SRBD1: variants seen among roughly 807,000 people sequenced by gnomAD.
The protein encoded by SRBD1 is S1 RNA-binding domain-containing protein 1.
A neutral mutation model predicts 115.3 loss-of-function variants in SRBD1; 88 were observed. The observed-to-expected ratio is 0.76, with a 90% CI of 0.64 to 0.91. SRBD1 has a LOEUF of 0.91. Among genes scored for constraint, SRBD1 ranks in the 40% least tolerant of loss-of-function variants. SRBD1 has a pLI of 0.00. For synonymous variants in SRBD1, 509 were observed against 407.7 expected, an observed-to-expected ratio of 1.25 and a Z score of -2.99; for missense variants, 1,385 against 1,177.4, an observed-to-expected ratio of 1.18 and a Z score of -2.58.
At chr2:45,546,930 T>A in intron 13 of SRBD1, 91 bp from the exon 14 acceptor site, 1 of 1,200,052 alleles carries the variant, frequency 8.3e-7, no homozygotes, top group South Asian at 1.2e-5. Context: ...AATACTATTA[T>A]ATGATTCTCT....
intron 4 of SRBD1, among the ~76,000 whole-genome samples, chr2:45,587,701 G>C (rs1227216825): frequency 6.6e-6 from 1 of 151,986 alleles, no homozygotes; most frequent in Non-Finnish European, 1.5e-5. Flanking sequence ...TAAATCCTGA[G>C]GTCTACATCT....
At chr2:45,545,645 C>T (rs1394575548) in intron 14 of SRBD1, among the ~76,000 whole-genome samples, 5 of 152,126 alleles carry the variant, frequency 3.3e-5, no homozygotes, top group Non-Finnish European at 5.9e-5. Flanking sequence ...GAAGATCCAC[C>T]GTATTTCCCA....
At chr2:45,560,418 G>A (rs1196046010) in intron 10 of SRBD1, among the ~76,000 whole-genome samples, 1 of 152,096 alleles carries the variant, frequency 6.6e-6, no homozygotes, top group African/African-American at 2.4e-5. Context: ...TTTCTAAAAA[G>A]AATTAGCACA....
At chr2:45,593,131 A>T (rs1673776762) in intron 4 of SRBD1, among the ~76,000 whole-genome samples, 1 of 152,204 alleles carries the variant, frequency 6.6e-6, no homozygotes, top group Non-Finnish European at 1.5e-5. Flanking sequence ...TCTAAGACAG[A>T]GGTACTTATT....
chr2:45,394,009 C>T (rs1021938399), intron 19 of SRBD1, among the ~76,000 whole-genome samples: 1 of 152,070 alleles, frequency 6.6e-6, no homozygotes. Context: ...TATATCAAGT[C>T]TATTCAGTAT....
chr2:45,513,778 T>A (rs1474630500), intron 14 of SRBD1, among the ~76,000 whole-genome samples: 1 of 142,128 alleles, frequency 7.0e-6, no homozygotes, highest in Non-Finnish European at 1.5e-5. Flanking sequence ...TCGGTCTTGT[T>A]CAAAACAGTT....
intron 6 of SRBD1, among the ~76,000 whole-genome samples, chr2:45,580,594 C>T (rs942567438): frequency 8.4e-5 from 12 of 142,328 alleles, no homozygotes; most frequent in Non-Finnish European, 1.2e-4. Context: ...CTCTTGGTCT[C>T]GTGATCTGCC....
chr2:45,531,787 T>C (rs1236421935), intron 14 of SRBD1, among the ~76,000 whole-genome samples: 3 of 151,834 alleles, frequency 2.0e-5, no homozygotes, highest in Admixed American at 1.3e-4. Flanking sequence ...ATGGCAAGCC[T>C]TCTCTGAGTC....
At chr2:45,488,589 C>A (rs1311949534) in intron 14 of SRBD1, among the ~76,000 whole-genome samples, 1 of 152,076 alleles carries the variant, frequency 6.6e-6, no homozygotes, top group African/African-American at 2.4e-5. Context: ...CTTTCTCTGT[C>A]ACTGGTAACA....
chr2:45,567,150 A>AT (rs1157969482), intron 9 of SRBD1, among the ~76,000 whole-genome samples: 1 of 152,172 alleles, frequency 6.6e-6, no homozygotes, highest in Admixed American at 6.5e-5. Flanking sequence ...TAAAACGCGT[A>AT]TTTTTTTGTA....
intron 19 of SRBD1, among the ~76,000 whole-genome samples, chr2:45,410,977 G>A (rs1209724865): frequency 6.6e-6 from 1 of 151,926 alleles, no homozygotes; most frequent in Non-Finnish European, 1.5e-5. Context: ...ATAATAAGTG[G>A]ATGAACATTA....
chr2:45,498,732 G>A (rs1670536879), intron 14 of SRBD1, among the ~76,000 whole-genome samples: 1 of 152,112 alleles, frequency 6.6e-6, no homozygotes, highest in Non-Finnish European at 1.5e-5. Context: ...CCATATGAGT[G>A]AGAACATGCA....
At chr2:45,585,887 G>C (rs1361905620) in intron 4 of SRBD1, 113 bp from the exon 5 acceptor site, 2 of 799,810 alleles carry the variant, frequency 2.5e-6, no homozygotes, top group East Asian at 3.1e-5. Flanking sequence ...GAAACTACTT[G>C]CTATAGTTTT....
intron 16 of SRBD1, among the ~76,000 whole-genome samples, chr2:45,432,186 C>T (rs1173890142): frequency 2.6e-5 from 4 of 152,110 alleles, no homozygotes; most frequent in Admixed American, 1.3e-4. Flanking sequence ...TGTGCCACCA[C>T]GCGCAGCTAA....
intron 16 of SRBD1, among the ~76,000 whole-genome samples, chr2:45,467,052 C>A (rs941810411): frequency 6.6e-6 from 1 of 152,132 alleles, no homozygotes; most frequent in African/African-American, 2.4e-5. Context: ...GTTCTCAAAC[C>A]CAGGCCAATA....
chr2:45,430,567 G>A (rs1056871692), intron 16 of SRBD1, among the ~76,000 whole-genome samples: 3 of 152,160 alleles, frequency 2.0e-5, no homozygotes, highest in Admixed American at 2.0e-4. Flanking sequence ...TTAATAAATG[G>A]TGTTGGGAAA....
At chr2:45,510,887 A>C (rs1159645216) in intron 14 of SRBD1, among the ~76,000 whole-genome samples, 4 of 152,236 alleles carry the variant, frequency 2.6e-5, no homozygotes, top group Non-Finnish European at 5.9e-5. Context: ...AATCACATGC[A>C]GGCTGCAACT....
chr2:45,464,600 C>G (rs1369827729), intron 16 of SRBD1, among the ~76,000 whole-genome samples: 1 of 152,182 alleles, frequency 6.6e-6, no homozygotes. Context: ...ATTCTGGTCA[C>G]TACCTCAGCT....
chr2:45,503,040 C>A (rs887185387), intron 14 of SRBD1, among the ~76,000 whole-genome samples: 1 of 151,880 alleles, frequency 6.6e-6, no homozygotes, highest in Non-Finnish European at 1.5e-5. Context: ...ACGAGAATCA[C>A]TGTTCTAAAG....
Sources: gnomAD v4.1 joint callset for allele counts (sites outside exome capture counted in the v4.1 genomes callset) on GRCh38, gnomAD v4.1.1 for gene constraint, MANE v1.5 for transcripts, NCBI Gene and HGNC (gene_info 2026-07-23, HGNC 2026-07-21) for gene names.